The following HIBCH variants were observed in gnomAD, a reference collection of about 807,000 sequenced individuals.
The protein encoded by HIBCH is 3-hydroxyisobutyryl-CoA hydrolase.
In HIBCH, 50 loss-of-function variants were observed where a neutral mutation model predicts 58.2. That is an observed-to-expected ratio of 0.86 (90% confidence interval 0.68 to 1.09). The LOEUF is 1.09. HIBCH is among the 50% of genes least tolerant of loss of function. The probability of loss-of-function intolerance (pLI) is 0.00; values close to 1 mark genes in which losing one functional copy is unlikely to be tolerated. For missense variants in HIBCH, 450 were observed against 449.7 expected, an observed-to-expected ratio of 1.00 and a Z score of -0.01; for synonymous variants, 151 against 146.9, an observed-to-expected ratio of 1.03 and a Z score of -0.20.
intron 11 of HIBCH, among the ~76,000 whole-genome samples, chr2:190,220,110 C>T (rs1372722085): frequency 1.3e-5 from 2 of 152,158 alleles, no homozygotes; most frequent in African/African-American, 4.8e-5. Flanking sequence ...CTATGCCACT[C>T]CTTTTGAAAT....
chr2:190,259,147 T>C (rs1468559972), intron 7 of HIBCH, among the ~76,000 whole-genome samples: 1 of 152,208 alleles, frequency 6.6e-6, no homozygotes, highest in Non-Finnish European at 1.5e-5. Flanking sequence ...TTCTATTTTT[T>C]TGAAAACTGA....
intron 1 of HIBCH, among the ~76,000 whole-genome samples, chr2:190,193,173 A>G (rs137941431): frequency 6.2e-4 from 95 of 152,216 alleles, no homozygotes; most frequent in African/African-American, 2.2e-3. Context: ...AAAATAAAAA[A>G]TGGTATTTTA....
intron 11 of HIBCH, among the ~76,000 whole-genome samples, chr2:190,224,239 G>C (rs910019920): frequency 9.9e-5 from 15 of 152,200 alleles, no homozygotes; most frequent in African/African-American, 3.6e-4. Context: ...GCTTGAGTAC[G>C]TAAACAAAGC....
chr2:190,225,695 A>C (rs1685870537), intron 11 of HIBCH, among the ~76,000 whole-genome samples: 1 of 152,196 alleles, frequency 6.6e-6, no homozygotes, highest in Admixed American at 6.5e-5. Flanking sequence ...AGAGGTACAA[A>C]GAGGAGCTGG....
At chr2:190,292,864 A>G (rs1318416175) in intron 4 of HIBCH, among the ~76,000 whole-genome samples, 1 of 152,172 alleles carries the variant, frequency 6.6e-6, no homozygotes, top group Non-Finnish European at 1.5e-5. Context: ...TTTTTATTCT[A>G]ATCAATTAGT....
chr2:190,235,106 A>AG (rs1438428331), intron 11 of HIBCH, among the ~76,000 whole-genome samples: 1 of 152,198 alleles, frequency 6.6e-6, no homozygotes, highest in Non-Finnish European at 1.5e-5. Context: ...GGAAGGGGCC[A>AG]GGGGAAGAAG....
chr2:190,231,283 A>C (rs1242848780), intron 11 of HIBCH, among the ~76,000 whole-genome samples: 1 of 152,230 alleles, frequency 6.6e-6, no homozygotes, highest in Non-Finnish European at 1.5e-5. Context: ...GCACAGGAAG[A>C]TATTCTGCAA....
Position 190,304,540 on chromosome 2 carries a change from C to G in HIBCH, c.78+6214G>C, listed in dbSNP as rs1688354456. On this transcript the variant is annotated intron_variant, in intron 2 of 13. Transcript: ENST00000359678. The surrounding 1 kb of genome is among the most constrained non-coding windows in gnomAD (Gnocchi z 4.1). ...ACCCAATCACCTCCCAAAGGCCTTA[C>G]CTTTCAATACATCCACACTGGGGGT... is the stretch of plus-strand genomic sequence containing the variant. 6.6e-6 allele frequency among the ~76,000 whole-genome samples: 1 copy of G among 152,154 alleles called. No individual in the cohort carries two copies. Among genetic ancestry groups the G allele is most frequent in the Non-Finnish European group, 1.5e-5 (1 of 68,030 alleles).
chr2:190,282,383 A>C (rs920223900), intron 6 of HIBCH, among the ~76,000 whole-genome samples: 10 of 152,226 alleles, frequency 6.6e-5, no homozygotes, highest in Admixed American at 1.3e-4. Flanking sequence ...GCCTTATGTT[A>C]CATGAAAACA....
rs1685556711 is a variant in HIBCH, at chr2:190,216,796, A to G, written c.892-3721T>C. Among the ~76,000 whole-genome samples, 1 of 152,216 alleles carries G rather than the reference A, an allele frequency of 6.6e-6. No individual in the cohort carries two copies. The highest frequency in any genetic ancestry group is 6.5e-5 in the Admixed American group (1 of 15,284). ...CAAGACGCTTTGAGGTGGGATGTTT[A>G]AAAGTTCTGTTTCCCAGAGCTTGGC... On this transcript the variant is annotated intron_variant, in intron 11 of 13. Coordinates refer to ENST00000359678, the MANE Select transcript of HIBCH (RefSeq NM_014362.4). The surrounding 1 kb of genome is among the most constrained non-coding windows in gnomAD (Gnocchi z 4.2).
chr2:190,258,270 A>G (rs1377151459), intron 7 of HIBCH, among the ~76,000 whole-genome samples: 1 of 152,138 alleles, frequency 6.6e-6, no homozygotes, highest in Non-Finnish European at 1.5e-5. Context: ...CTCCCCAATC[A>G]TGCTTCCTGT....
At chr2:190,232,395 T>C (rs1171112984) in intron 11 of HIBCH, among the ~76,000 whole-genome samples, 1 of 152,186 alleles carries the variant, frequency 6.6e-6, no homozygotes, top group Non-Finnish European at 1.5e-5. Flanking sequence ...TTGAGGTATG[T>C]GCTAAGCAGA....
At chr2:190,258,716 C>T (rs547373460) in intron 7 of HIBCH, among the ~76,000 whole-genome samples, 17 of 152,264 alleles carry the variant, frequency 1.1e-4, no homozygotes, top group Admixed American at 3.9e-4. Flanking sequence ...ACGTCATTTT[C>T]CCATATGTTT....
intron 6 of HIBCH, among the ~76,000 whole-genome samples, chr2:190,285,625 G>A (rs1687810050): frequency 6.6e-6 from 1 of 151,956 alleles, no homozygotes; most frequent in Non-Finnish European, 1.5e-5. Flanking sequence ...CATTGAACAG[G>A]TGGAATTTCA....
At chr2:190,271,990 C>A (rs1687414164) in intron 6 of HIBCH, among the ~76,000 whole-genome samples, 2 of 152,196 alleles carry the variant, frequency 1.3e-5, no homozygotes, top group Admixed American at 1.3e-4. Context: ...AACCCTTACA[C>A]AATTGCACCA....
At chr2:190,250,196 T>C (rs1392657836) in intron 8 of HIBCH, 1 of 349,878 alleles carries the variant, frequency 2.9e-6, no homozygotes, top group Non-Finnish European at 5.7e-6. Context: ...TAATGCTTTC[T>C]TGCCCCTGTG....
In HIBCH at chr2:190,290,459, GT is replaced by G; in HGVS notation, c.330del (p.Lys110AsnfsTer4). The G allele has an allele frequency of 6.2e-7, 1 of 1,610,792 alleles. No homozygotes were observed. Among genetic ancestry groups the G allele is most frequent in the East Asian group, 2.2e-5 (1 of 44,798 alleles). On this transcript the variant is annotated frameshift_variant, in exon 5 of 14. Transcript: ENST00000359678. LOFTEE classifies it high-confidence loss of function. ...IRVISEAEKA[K>X]QKIAPVFFRE... ...CTGAAGAAAACTGGAGCTATCTTCT[GT>G]TTTGCCTTTTCAGCTTCCGAGATCA...
intron 1 of HIBCH, among the ~76,000 whole-genome samples, chr2:190,317,767 A>G (rs1326382244): frequency 1.3e-5 from 2 of 152,152 alleles, no homozygotes; most frequent in Non-Finnish European, 2.9e-5. Flanking sequence ...TGATAGTGCC[A>G]AGAGAGACAA....
intron 2 of HIBCH, among the ~76,000 whole-genome samples, chr2:190,305,211 C>A (rs1688371905): frequency 6.6e-6 from 1 of 152,004 alleles, no homozygotes; most frequent in Non-Finnish European, 1.5e-5. Context: ...TTTAAGGAAA[C>A]GTTTGACAGA....
Sources: gnomAD v4.1 joint callset for allele counts (sites outside exome capture counted in the v4.1 genomes callset) on GRCh38, gnomAD v4.1.1 for gene constraint, Gnocchi (gnomAD v3.1) non-coding constraint, MANE v1.5 for transcripts, NCBI Gene and HGNC (gene_info 2026-07-23, HGNC 2026-07-21) for gene names.